Variants in MGAT5 observed in about 807,000 individuals in gnomAD.
MGAT5 encodes the protein alpha-1,6-mannosylglycoprotein 6-beta-N-acetylglucosaminyltransferase.
MGAT5 carries 30 observed loss-of-function variants against 94.3 expected under a neutral mutation model. That is an observed-to-expected ratio of 0.32 (90% confidence interval 0.24 to 0.43). MGAT5 has a LOEUF of 0.43. Ranked by LOEUF, MGAT5 falls within the 20% of genes least tolerant of loss-of-function variation. The pLI is 1.00. For synonymous variants in MGAT5, 310 were observed against 322.9 expected (o/e 0.96, Z 0.43); for missense variants, 691 against 905.5 (o/e 0.76, Z 3.04).
chr2:134,139,241 A>C (rs933536629), intron 1 of MGAT5, among the ~76,000 whole-genome samples: 41 of 152,386 alleles, frequency 2.7e-4, no homozygotes, highest in Middle Eastern at 3.4e-3. Flanking sequence ...AGCATTTATA[A>C]GAAAGACGGA....
chr2:134,153,681 G>A (rs181255273), intron 1 of MGAT5, among the ~76,000 whole-genome samples: 1 of 152,278 alleles, frequency 6.6e-6, no homozygotes, highest in Non-Finnish European at 1.5e-5. Context: ...TGTCTCGGAG[G>A]AGTTTTCTGT....
At chr2:134,188,673 T>C (rs1488063402) in intron 1 of MGAT5, among the ~76,000 whole-genome samples, 1 of 152,140 alleles carries the variant, frequency 6.6e-6, no homozygotes, top group Non-Finnish European at 1.5e-5. Flanking sequence ...AAGGAGGTGG[T>C]GGGGGTGTGT....
chr2:134,270,000 T>G (rs1256137194), intron 1 of MGAT5, among the ~76,000 whole-genome samples: 1 of 152,240 alleles, frequency 6.6e-6, no homozygotes, highest in Non-Finnish European at 1.5e-5. Context: ...ACAAACTTGA[T>G]CCAGAGGCTA....
At chr2:134,198,050 G>C (rs763846697) in intron 1 of MGAT5, among the ~76,000 whole-genome samples, 16 of 152,330 alleles carry the variant, frequency 1.1e-4, no homozygotes, top group Non-Finnish European at 1.9e-4. Flanking sequence ...GGAGCAATAA[G>C]GATCCAGTAT....
At chr2:134,263,723 A>G (rs1335414463) in intron 1 of MGAT5, among the ~76,000 whole-genome samples, 1 of 152,174 alleles carries the variant, frequency 6.6e-6, no homozygotes, top group Non-Finnish European at 1.5e-5. Flanking sequence ...TTTGATTCTT[A>G]AGAGTACAAT....
intron 1 of MGAT5, among the ~76,000 whole-genome samples, chr2:134,128,221 A>AG (rs1395573123): frequency 2.6e-5 from 4 of 152,160 alleles, no homozygotes; most frequent in South Asian, 2.1e-4. Context: ...AAAAAAAAAA[A>AG]AGAGAGAAAG....
intron 1 of MGAT5, among the ~76,000 whole-genome samples, chr2:134,264,746 T>A (rs990979264): frequency 6.6e-6 from 1 of 152,234 alleles, no homozygotes; most frequent in Non-Finnish European, 1.5e-5. Context: ...TTGAGGTTAA[T>A]TCTTTTTTCA....
chr2:134,444,624 A>G (rs1002607538), intron 15 of MGAT5, among the ~76,000 whole-genome samples: 5 of 152,266 alleles, frequency 3.3e-5, no homozygotes, highest in Admixed American at 3.3e-4. Flanking sequence ...CCTGCAAGCC[A>G]GTGCTGCCTT....
At chr2:134,386,478 G>A (rs1394315645) in intron 10 of MGAT5, among the ~76,000 whole-genome samples, 1 of 152,182 alleles carries the variant, frequency 6.6e-6, no homozygotes, top group Non-Finnish European at 1.5e-5. Flanking sequence ...AAATCGCACT[G>A]CTTTAGTGGT....
At chr2:134,253,846 T>G (rs75000408), upstream of MGAT5, among the ~76,000 whole-genome samples, 1,514 of 152,312 alleles carry the variant, frequency 9.9e-3, 24 homozygotes, top group African/African-American at 0.035. Flanking sequence ...CATGTTCTAG[T>G]CCTTGCCAGA....
In MGAT5 at chr2:134,403,152, C is replaced by T. The variant is rs372247758; in HGVS notation, c.1530+15C>T. 4.5e-5 allele frequency: 72 copies of T among 1,598,026 alleles called. No homozygotes were observed. The Middle Eastern group carries it at 5.0e-4, about 11-fold the overall frequency. ...GAGAAACCAAGGTAAAAATTCACCA[C>T]GGATGTGGTGTTCAGGTTATTGCCA... On this transcript the variant is annotated intron_variant, in intron 11 of 15. Transcript: ENST00000281923.
chr2:134,357,550 A>T (rs1306910561), intron 9 of MGAT5, among the ~76,000 whole-genome samples: 1 of 152,228 alleles, frequency 6.6e-6, no homozygotes, highest in Non-Finnish European at 1.5e-5. Context: ...TTAGGACATG[A>T]TAACCAAAGG....
At chr2:134,385,897 G>A (rs539902989) in intron 10 of MGAT5, among the ~76,000 whole-genome samples, 2 of 152,138 alleles carry the variant, frequency 1.3e-5, no homozygotes, top group African/African-American at 4.8e-5. Context: ...TTTTTACTTA[G>A]GGCATATAAA....
intron 4 of MGAT5, among the ~76,000 whole-genome samples, chr2:134,333,164 G>A (rs1268268599): frequency 2.0e-5 from 3 of 152,032 alleles, no homozygotes; most frequent in Non-Finnish European, 4.4e-5. Context: ...ATTCACAATA[G>A]CAAAGACTTG....
At chr2:134,200,342 C>G (rs1431163471) in intron 1 of MGAT5, among the ~76,000 whole-genome samples, 1 of 151,820 alleles carries the variant, frequency 6.6e-6, no homozygotes, top group Admixed American at 6.6e-5. Context: ...TGCAAGTCCC[C>G]TGACATCTTC....
At chr2:134,371,545 G>T (rs1680800869) in intron 10 of MGAT5, among the ~76,000 whole-genome samples, 1 of 152,170 alleles carries the variant, frequency 6.6e-6, no homozygotes, top group East Asian at 1.9e-4. Context: ...GATATGGGCC[G>T]CTGTGGCTTC....
At chr2:134,202,501 A>G (rs1377159662) in intron 1 of MGAT5, among the ~76,000 whole-genome samples, 1 of 152,214 alleles carries the variant, frequency 6.6e-6, no homozygotes, top group East Asian at 1.9e-4. Context: ...TCTGTTGTTC[A>G]CAAATTGCGC....
chr2:134,338,190 A>T lies in MGAT5; in HGVS notation c.646-69A>T, dbSNP rs200959645. The T allele has an allele frequency of 2.5e-4, 329 of 1,315,442 alleles. 1 individual carries two copies. Among genetic ancestry groups the T allele is most frequent in the Middle Eastern group, 3.9e-4 (2 of 5,194 alleles). 81.5% of individuals were successfully genotyped at this position (1,315,442 alleles called of 1,614,324 possible). On this transcript the variant is annotated intron_variant, in intron 5 of 15. Coordinates refer to ENST00000281923, the MANE Select transcript of MGAT5 (RefSeq NM_002410.5). ...TAACCCTTTTAAGTTTTCAGATGTC[A>T]CATCATGAAAACTATTATGCTTTCT...
chr2:134,345,078 G>T lies in MGAT5; in HGVS notation c.1112+14G>T. On this transcript the variant is annotated intron_variant, in intron 8 of 15. Transcript: ENST00000281923. ...GGTTCATTACCAGTAAGTGCTACAT[G>T]GTGTTCTGACTTAAGGTTTTTTTTC... 1 of 1,605,950 alleles carries T rather than the reference G, an allele frequency of 6.2e-7. No individual in the cohort carries two copies. The highest frequency in any genetic ancestry group is 8.5e-7 in the Non-Finnish European group (1 of 1,174,686).
Sources: gnomAD v4.1 joint callset for allele counts (sites outside exome capture counted in the v4.1 genomes callset) on GRCh38, gnomAD v4.1.1 for gene constraint, MANE v1.5 for transcripts, NCBI Gene and HGNC (gene_info 2026-07-23, HGNC 2026-07-21) for gene names.